Variants in PDE4B observed in about 807,000 individuals in gnomAD.
The protein encoded by PDE4B is 3',5'-cyclic-AMP phosphodiesterase 4B.
PDE4B carries 20 observed loss-of-function variants against 82.2 expected under a neutral mutation model. The observed-to-expected ratio is 0.24, with a 90% CI of 0.17 to 0.35. The LOEUF (loss-of-function observed/expected upper bound fraction) is 0.35. Ranked by LOEUF, PDE4B falls within the 10% of genes least tolerant of loss-of-function variation. The pLI is 1.00. For synonymous variants in PDE4B, 320 were observed against 318.9 expected (o/e 1.00, Z -0.04); for missense variants, 655 against 907.2 (o/e 0.72, Z 3.57).
chr1:65,913,300 T>C lies in PDE4B; in HGVS notation c.-15T>C. On this transcript the variant is annotated 5_prime_UTR_variant, in exon 2 of 17. Transcript: ENST00000341517. ...ATAACAGACATCCTAAGAGGGGATA[T>C]TTTCCACCTCTATAATGAAGAAAAG... is the stretch of plus-strand genomic sequence containing the variant. The C allele has an allele frequency of 6.2e-7, 1 of 1,611,254 alleles. No individual in the cohort carries two copies. Among genetic ancestry groups the C allele is most frequent in the South Asian group, 1.1e-5 (1 of 91,010 alleles).
chr1:66,025,377 C>A (rs955935407), intron 3 of PDE4B, among the ~76,000 whole-genome samples: 1 of 152,044 alleles, frequency 6.6e-6, no homozygotes, highest in Non-Finnish European at 1.5e-5. Context: ...TTGAAACTGT[C>A]AAGTAAGCTA....
chr1:65,885,485 G>C (rs1646762890), intron 1 of PDE4B, among the ~76,000 whole-genome samples: 2 of 152,062 alleles, frequency 1.3e-5, no homozygotes, highest in South Asian at 4.2e-4. Flanking sequence ...TGATAGACTG[G>C]ATTAAGAAAA....
rs1488878603 is a variant in PDE4B at position 66,362,649 on chromosome 1, T to G, written c.1021-519T>G. Among the ~76,000 whole-genome samples the G allele has an allele frequency of 2.6e-5, 4 of 152,206 alleles. No individual in the cohort carries two copies. In the East Asian group the frequency reaches 7.7e-4, roughly 29 times the overall value. On this transcript the variant is annotated intron_variant, in intron 10 of 16. Coordinates refer to ENST00000341517, the MANE Select transcript of PDE4B (RefSeq NM_002600.4). Reference sequence around the variant, plus strand: ...CGTCTGTGGCCCAGGAGCCCTAGGATGTAATTCATGACTGGCATTCTTCAT... The same window carrying G: ...CGTCTGTGGCCCAGGAGCCCTAGGAGGTAATTCATGACTGGCATTCTTCAT...
chr1:66,040,731 GT>G (rs34728093), intron 3 of PDE4B, among the ~76,000 whole-genome samples: 10,720 of 151,962 alleles, frequency 0.071, 695 homozygotes, highest in East Asian at 0.26. Flanking sequence ...AGGAAATTAA[GT>G]TTTTGATCAA....
chr1:65,862,674 G>A (rs1276769948), intron 1 of PDE4B, among the ~76,000 whole-genome samples: 1 of 152,034 alleles, frequency 6.6e-6, no homozygotes, highest in Admixed American at 6.6e-5. Context: ...GAATCCGTCT[G>A]GTCCTGGACC....
chr1:66,152,484 T>G (rs981334282), intron 3 of PDE4B: 1 of 318,304 alleles, frequency 3.1e-6, no homozygotes, highest in Non-Finnish European at 7.2e-6. Flanking sequence ...TAACACAGCA[T>G]TGGAAGCCAG....
intron 3 of PDE4B, among the ~76,000 whole-genome samples, chr1:66,096,103 C>G (rs953647336): frequency 6.6e-6 from 1 of 151,692 alleles, no homozygotes; most frequent in African/African-American, 2.4e-5. Context: ...TGCTATAGAA[C>G]ACTTTGACTT....
At chr1:66,154,629 G>A (rs545057360) in intron 3 of PDE4B, among the ~76,000 whole-genome samples, 1 of 152,290 alleles carries the variant, frequency 6.6e-6, no homozygotes, top group South Asian at 2.1e-4. Context: ...GCTGGCAGGG[G>A]TTTTTCCAGA....
chr1:66,119,228 T>C (rs1055466240), intron 3 of PDE4B, among the ~76,000 whole-genome samples: 2 of 152,204 alleles, frequency 1.3e-5, no homozygotes, highest in African/African-American at 2.4e-5. Flanking sequence ...GAAGTTCATT[T>C]TGAGAGATGC....
At chr1:65,829,552 TA>T in intron 1 of PDE4B, among the ~76,000 whole-genome samples, 1 of 152,322 alleles carries the variant, frequency 6.6e-6, no homozygotes, top group East Asian at 1.9e-4. Flanking sequence ...TTCTGGGCCA[TA>T]AAACAAACTT....
At chr1:66,103,685 T>C (rs969999568) in intron 3 of PDE4B, among the ~76,000 whole-genome samples, 3 of 152,212 alleles carry the variant, frequency 2.0e-5, no homozygotes, top group Non-Finnish European at 2.9e-5. Context: ...TAGCATTCAG[T>C]TGGTGTGACA....
chr1:65,807,339 C>A (rs369876332), intron 1 of PDE4B, among the ~76,000 whole-genome samples: 1 of 152,188 alleles, frequency 6.6e-6, no homozygotes, highest in Non-Finnish European at 1.5e-5. Context: ...ATCGATTTCT[C>A]GCATCATTAT....
chr1:66,344,953 C>G (rs1246485142), intron 8 of PDE4B, among the ~76,000 whole-genome samples: 1 of 152,192 alleles, frequency 6.6e-6, no homozygotes, highest in Non-Finnish European at 1.5e-5. Context: ...TAGCGTTATT[C>G]TCTTTGAGTT....
intron 1 of PDE4B, among the ~76,000 whole-genome samples, chr1:65,815,485 T>C (rs1415260269): frequency 6.6e-6 from 1 of 152,132 alleles, no homozygotes; most frequent in Non-Finnish European, 1.5e-5. Context: ...TGCAACATGG[T>C]ATCCTGGATT....
chr1:65,946,108 C>A (rs370075740), intron 3 of PDE4B, among the ~76,000 whole-genome samples: 120 of 152,116 alleles, frequency 7.9e-4, no homozygotes, highest in African/African-American at 2.5e-3. Flanking sequence ...TCTCCCTCAT[C>A]AACAGGTCAC....
chr1:66,183,511 A>G (rs1647115978), intron 3 of PDE4B, among the ~76,000 whole-genome samples: 1 of 152,146 alleles, frequency 6.6e-6, no homozygotes, highest in African/African-American at 2.4e-5. Context: ...ACTCATAATA[A>G]CTGAGTAGCT....
chr1:65,831,051 T>C (rs1646076338), intron 1 of PDE4B, among the ~76,000 whole-genome samples: 1 of 152,040 alleles, frequency 6.6e-6, no homozygotes, highest in Non-Finnish European at 1.5e-5. Flanking sequence ...ACATTTTTAG[T>C]GCCAAATGCC....
intron 6 of PDE4B, among the ~76,000 whole-genome samples, chr1:66,259,886 C>G (rs1169519229): frequency 6.6e-6 from 1 of 152,084 alleles, no homozygotes; most frequent in Non-Finnish European, 1.5e-5. Flanking sequence ...GGCTTCATAG[C>G]CCATTTCTAC....
intron 1 of PDE4B, among the ~76,000 whole-genome samples, chr1:65,841,414 G>T (rs1454122463): frequency 4.0e-5 from 5 of 125,014 alleles, no homozygotes. Flanking sequence ...TGCACTTAGA[G>T]TTCATTGCCA....
Sources: gnomAD v4.1 joint callset for allele counts (sites outside exome capture counted in the v4.1 genomes callset) on GRCh38, gnomAD v4.1.1 for gene constraint, MANE v1.5 for transcripts, NCBI Gene and HGNC (gene_info 2026-07-23, HGNC 2026-07-21) for gene names.